Variants in NRG3 observed in about 807,000 individuals in gnomAD.
NRG3 encodes pro-neuregulin-3, membrane-bound isoform.
Under a neutral mutation model 66.9 loss-of-function variants are expected in NRG3, and 31 were observed. The ratio of observed to expected loss-of-function variants is 0.46; its 90% CI spans 0.35 to 0.63. The LOEUF (loss-of-function observed/expected upper bound fraction) is 0.63, where lower values mean the gene tolerates loss of function less well. NRG3 is among the 20% of genes least tolerant of loss of function. The pLI, the probability that NRG3 is intolerant of heterozygous loss-of-function variation, is 0.00. For missense variants in NRG3, 910 were observed against 878.9 expected (o/e 1.04, Z -0.45); for synonymous variants, 393 against 359.4 (o/e 1.09, Z -1.06).
At chr10:82,000,774 G>T (rs1381475437) in intron 1 of NRG3, among the ~76,000 whole-genome samples, 2 of 152,072 alleles carry the variant, frequency 1.3e-5, no homozygotes, top group East Asian at 3.9e-4. Flanking sequence ...TACTTAATAG[G>T]CAGCTTGAAA....
At chr10:82,573,262 G>A (rs1825438636) in intron 2 of NRG3, among the ~76,000 whole-genome samples, 2 of 151,668 alleles carry the variant, frequency 1.3e-5, no homozygotes. Flanking sequence ...CCATTCTCTT[G>A]GAAAATCTGG....
At chr10:82,087,511 A>AGTCC (rs2065794509) in intron 1 of NRG3, among the ~76,000 whole-genome samples, 1 of 152,102 alleles carries the variant, frequency 6.6e-6, no homozygotes, top group South Asian at 2.1e-4. Context: ...TTATAGTTAC[A>AGTCC]GTCCACCCAA....
intron 1 of NRG3, chr10:82,232,413 A>G (rs2076527839): frequency 5.2e-6 from 1 of 193,274 alleles, no homozygotes. Flanking sequence ...AATATGACAA[A>G]ATCCTGTATG....
At chr10:82,600,970 G>A (rs185108615) in intron 2 of NRG3, among the ~76,000 whole-genome samples, 187 of 152,112 alleles carry the variant, frequency 1.2e-3, no homozygotes, top group African/African-American at 4.4e-3. Context: ...GGAGTCTCCA[G>A]TGTCTGTTGT....
chr10:82,770,447 C>G (rs1032291919), intron 3 of NRG3, among the ~76,000 whole-genome samples: 2 of 152,040 alleles, frequency 1.3e-5, no homozygotes, highest in African/African-American at 2.4e-5. Flanking sequence ...TTTGCAAATT[C>G]CTAATACGAC....
chr10:82,641,195 A>T (rs1385461001), intron 2 of NRG3, among the ~76,000 whole-genome samples: 1 of 152,124 alleles, frequency 6.6e-6, no homozygotes, highest in Non-Finnish European at 1.5e-5. Context: ...AAAAATACAG[A>T]TACATATAAA....
intron 2 of NRG3, among the ~76,000 whole-genome samples, chr10:82,442,576 G>A (rs546719042): frequency 1.3e-5 from 2 of 152,140 alleles, no homozygotes; most frequent in Non-Finnish European, 2.9e-5. Context: ...GGTGGCTGGA[G>A]TTCAGAGAGG....
At position 82,323,489 on chromosome 10, in the gene NRG3, C is replaced by CTTTT. The variant is rs112236835; in HGVS notation, c.824-35238_824-35235dup. On this transcript the variant is annotated intron_variant, in intron 1 of 8. Coordinates refer to ENST00000372141, the MANE Select transcript of NRG3 (RefSeq NM_001010848.4). ...CCTCACTTGGCCATGACATATTATC[C>CTTTT]TTTTTTTTTTTTTTTGGATTAAGTT... Among the ~76,000 whole-genome samples the CTTTT allele has an allele frequency of 3.2e-3, 435 of 136,766 alleles. 1 individual carries two copies. The highest frequency in any genetic ancestry group is 0.011 in the African/African-American group (417 of 37,536). The allele number at this position is 136,766 out of a possible 152,430, so 89.7% of individuals were successfully genotyped here.
At chr10:82,316,518 T>C (rs1449513724) in intron 1 of NRG3, among the ~76,000 whole-genome samples, 1 of 152,112 alleles carries the variant, frequency 6.6e-6, no homozygotes, top group African/African-American at 2.4e-5. Context: ...CTACGGACCC[T>C]TTTTTCCCCC....
intron 1 of NRG3, among the ~76,000 whole-genome samples, chr10:82,317,650 A>G (rs1056860593): frequency 2.6e-5 from 4 of 152,244 alleles, no homozygotes; most frequent in Non-Finnish European, 5.9e-5. Context: ...AGAGTGCTGG[A>G]TGAAACATAG....
chr10:82,774,257 C>G (rs776010168), intron 3 of NRG3, among the ~76,000 whole-genome samples: 3 of 152,104 alleles, frequency 2.0e-5, no homozygotes, highest in Non-Finnish European at 4.4e-5. Context: ...TGGGATCTTT[C>G]TCTAGCTTAA....
chr10:82,593,257 T>C (rs956611315), intron 2 of NRG3, among the ~76,000 whole-genome samples: 2 of 152,194 alleles, frequency 1.3e-5, no homozygotes, highest in African/African-American at 4.8e-5. Flanking sequence ...TGAAAATTTG[T>C]TGCCCCATGG....
chr10:82,873,225 G>A (rs1841503678), intron 4 of NRG3, among the ~76,000 whole-genome samples: 1 of 152,130 alleles, frequency 6.6e-6, no homozygotes, highest in Admixed American at 6.5e-5. Context: ...CATAATTAGA[G>A]CAGAAATTTG....
In NRG3 at chr10:82,803,377, G is replaced by C. The variant is rs530227434; in HGVS notation, c.1028-62034G>C. 4.4e-4 allele frequency among the ~76,000 whole-genome samples: 67 copies of C among 152,306 alleles called. No individual in the cohort carries two copies. The South Asian group carries it at 0.012, about 26-fold the overall frequency. On this transcript the variant is annotated intron_variant, in intron 3 of 8. Transcript: ENST00000372141. Reference sequence around the variant, plus strand: ...GTGTGGGACTCTAAATGACAGAATAGATAGGGAAATCTAGTTACCCATCTA... The same window carrying C: ...GTGTGGGACTCTAAATGACAGAATACATAGGGAAATCTAGTTACCCATCTA...
At position 81,967,672 on chromosome 10, in the gene NRG3, C is replaced by T. The variant is rs1036565202; in HGVS notation, c.823+91509C>T. On this transcript the variant is annotated intron_variant, in intron 1 of 8. Coordinates refer to ENST00000372141, the MANE Select transcript of NRG3 (RefSeq NM_001010848.4). ...CCTTTCATATTCTTGATTTTTTTCCCATTTATGTGTTTGGAAGCTAAATTT... is the reference window on the plus strand; with the variant it reads ...CCTTTCATATTCTTGATTTTTTTCCTATTTATGTGTTTGGAAGCTAAATTT... Among the ~76,000 whole-genome samples, 9 of 151,876 alleles carry T rather than the reference C, an allele frequency of 5.9e-5. No individual in the cohort carries two copies. In the East Asian group the frequency reaches 1.7e-3, roughly 29 times the overall value.
chr10:82,724,488 G>A (rs1240495348), intron 2 of NRG3, among the ~76,000 whole-genome samples: 1 of 152,170 alleles, frequency 6.6e-6, no homozygotes, highest in Non-Finnish European at 1.5e-5. Context: ...AATATCCTGG[G>A]AGAAATAGGG....
chr10:82,895,179 G>A (rs1008363145), intron 4 of NRG3, among the ~76,000 whole-genome samples: 1 of 151,978 alleles, frequency 6.6e-6, no homozygotes, highest in Non-Finnish European at 1.5e-5. Context: ...TTCTATCATG[G>A]CAATTTCTAT....
intron 2 of NRG3, among the ~76,000 whole-genome samples, chr10:82,662,290 C>T: frequency 6.6e-6 from 1 of 151,864 alleles, no homozygotes; most frequent in East Asian, 1.9e-4. Context: ...GACTGTTTGT[C>T]CACCAGGTAT....
At chr10:82,190,959 G>A (rs550959544) in intron 1 of NRG3, among the ~76,000 whole-genome samples, 7 of 152,112 alleles carry the variant, frequency 4.6e-5, no homozygotes, top group African/African-American at 1.7e-4. Context: ...TGTATGCTTC[G>A]TAAGACTGAG....
Sources: gnomAD v4.1 joint callset for allele counts (sites outside exome capture counted in the v4.1 genomes callset) on GRCh38, gnomAD v4.1.1 for gene constraint, MANE v1.5 for transcripts, NCBI Gene and HGNC (gene_info 2026-07-23, HGNC 2026-07-21) for gene names.